SLC22A25: variants seen among roughly 807,000 people sequenced by gnomAD.
SLC22A25 encodes the protein solute carrier family 22 member 25.
SLC22A25 carries 44 observed loss-of-function variants against 45.9 expected under a neutral mutation model. The ratio of observed to expected loss-of-function variants is 0.96; its 90% CI spans 0.75 to 1.23. The LOEUF (loss-of-function observed/expected upper bound fraction) is 1.23. SLC22A25 is among the 50% of genes most tolerant of loss of function. The pLI is 0.00. For synonymous variants in SLC22A25, 283 were observed against 238.6 expected, an observed-to-expected ratio of 1.19 and a Z score of -1.72; for missense variants, 800 against 666.4, an observed-to-expected ratio of 1.20 and a Z score of -2.21.
intron 5 of SLC22A25, among the ~76,000 whole-genome samples, chr11:63,225,647 C>T (rs924438539): frequency 6.6e-6 from 1 of 152,064 alleles, no homozygotes; most frequent in Admixed American, 6.5e-5. Flanking sequence ...CTATGATTTT[C>T]TTGTACTTGA....
chr11:63,234,103 T>C (rs1300170654), intron 3 of SLC22A25, among the ~76,000 whole-genome samples: 2 of 152,318 alleles, frequency 1.3e-5, no homozygotes, highest in East Asian at 3.9e-4. Context: ...CTGAAAAGAA[T>C]GTATATTCTG....
Position 63,159,041 on chromosome 11 carries a change from A to G in SLC22A25, c.*4783T>C, listed in dbSNP as rs763597072. Among the ~76,000 whole-genome samples the G allele has an allele frequency of 1.8e-4, 28 of 151,938 alleles. No individual in the cohort carries two copies. The highest frequency in any genetic ancestry group is 1.4e-3 in the Admixed American group (22 of 15,250). On this transcript the variant is annotated 3_prime_UTR_variant, in exon 12 of 12. Transcript: ENST00000306494. ...CTGTGCCTGGCTTATTTCACTTAAC[A>G]TAATGATCTCCAGTTCCATCCATGT...
rs572954490 is a variant in SLC22A25, at chr11:63,159,912, G to A, written c.*3912C>T. 5.5e-4 allele frequency among the ~76,000 whole-genome samples: 84 copies of A among 152,274 alleles called. No individual in the cohort carries two copies. Among genetic ancestry groups the A allele is most frequent in the Non-Finnish European group, 1.0e-3 (68 of 68,016 alleles). On this transcript the variant is annotated 3_prime_UTR_variant, in exon 12 of 12. Coordinates refer to ENST00000306494, the MANE Select transcript of SLC22A25 (RefSeq NM_199352.6). ...ATATTTTAGTAAAGAGACTGGCAGC[G>A]TTTACTCCTGTCCTAGAGATTTGTG... is the stretch of plus-strand genomic sequence containing the variant.
intron 7 of SLC22A25, among the ~76,000 whole-genome samples, chr11:63,189,824 G>A (rs2088725737): frequency 1.3e-5 from 2 of 152,196 alleles, no homozygotes; most frequent in South Asian, 4.1e-4. Flanking sequence ...GGCTGGATAT[G>A]AAATTCTGGG....
At chr11:63,180,160 A>T (rs1848509622) in intron 9 of SLC22A25, among the ~76,000 whole-genome samples, 2 of 152,130 alleles carry the variant, frequency 1.3e-5, no homozygotes, top group Non-Finnish European at 2.9e-5. Context: ...ATTTTTGTCC[A>T]GTCATTATTT....
At chr11:63,221,021 A>G (rs1423231193) in intron 5 of SLC22A25, among the ~76,000 whole-genome samples, 3 of 152,032 alleles carry the variant, frequency 2.0e-5, no homozygotes, top group Non-Finnish European at 4.4e-5. Flanking sequence ...TTATCCATTC[A>G]TCTGTTGTGG....
At chr11:63,216,173 T>C (rs2089705533) in intron 7 of SLC22A25, among the ~76,000 whole-genome samples, 1 of 152,174 alleles carries the variant, frequency 6.6e-6, no homozygotes, top group Non-Finnish European at 1.5e-5. Context: ...CACAATGAGA[T>C]GCCATCTCAC....
intron 9 of SLC22A25, among the ~76,000 whole-genome samples, chr11:63,177,864 A>AAT (rs58895817): frequency 0.058 from 1,802 of 31,046 alleles, 276 homozygotes; most frequent in African/African-American, 0.18. Flanking sequence ...GTATATATAT[A>AAT]ATATATATAA....
At chr11:63,204,012 T>C (rs1315149350) in intron 7 of SLC22A25, among the ~76,000 whole-genome samples, 2 of 152,246 alleles carry the variant, frequency 1.3e-5, no homozygotes, top group Non-Finnish European at 1.5e-5. Context: ...ATCAACACTC[T>C]TAAAGAAAAG....
chr11:63,202,846 G>A (rs959562178), intron 7 of SLC22A25, among the ~76,000 whole-genome samples: 14 of 152,304 alleles, frequency 9.2e-5, no homozygotes, highest in Admixed American at 3.3e-4. Flanking sequence ...CCCTGACCCC[G>A]GTGCCTTCTG....
intron 7 of SLC22A25, among the ~76,000 whole-genome samples, chr11:63,200,591 C>T (rs1011680987): frequency 6.6e-6 from 1 of 152,046 alleles, no homozygotes; most frequent in African/African-American, 2.4e-5. Flanking sequence ...CACTTGAAAA[C>T]TGGCACAAGA....
At chr11:63,177,922 T>C (rs1042423164) in intron 9 of SLC22A25, among the ~76,000 whole-genome samples, 17 of 148,356 alleles carry the variant, frequency 1.1e-4, no homozygotes, top group Admixed American at 6.8e-4. Flanking sequence ...TTTTCTTTTT[T>C]TTTGACAGGG....
rs1590761703 is a variant in SLC22A25 at position 63,162,352 on chromosome 11, A to G, written c.*1472T>C. Among the ~76,000 whole-genome samples, 3 of 152,278 alleles carry G rather than the reference A, an allele frequency of 2.0e-5. No individual in the cohort carries two copies. The South Asian group carries it at 6.2e-4, about 32-fold the overall frequency. ...AAGAAATCTTTGGCCAGTCTAATGT[A>G]CTGGAAAATTTCTCCAATGTTTTCT... On this transcript the variant is annotated 3_prime_UTR_variant, in exon 12 of 12. Transcript: ENST00000306494.
At chr11:63,232,863 A>G (rs2090095421) in intron 3 of SLC22A25, among the ~76,000 whole-genome samples, 1 of 152,146 alleles carries the variant, frequency 6.6e-6, no homozygotes, top group South Asian at 2.1e-4. Context: ...CATTTTGTCA[A>G]AGGCCTTTTC....
intron 7 of SLC22A25, among the ~76,000 whole-genome samples, chr11:63,203,471 A>T (rs2089308090): frequency 6.6e-6 from 1 of 152,000 alleles, no homozygotes; most frequent in South Asian, 2.1e-4. Flanking sequence ...AAATGACCTG[A>T]TGGAGCTGCA....
chr11:63,230,747 C>T (rs1047367839), intron 3 of SLC22A25, among the ~76,000 whole-genome samples: 1 of 152,180 alleles, frequency 6.6e-6, no homozygotes, highest in Non-Finnish European at 1.5e-5. Flanking sequence ...GTGCGCTGCA[C>T]CCATTAACAA....
chr11:63,178,245 A>G (rs2088189301), intron 9 of SLC22A25, among the ~76,000 whole-genome samples: 1 of 151,990 alleles, frequency 6.6e-6, no homozygotes, highest in Non-Finnish European at 1.5e-5. Context: ...TTGATACCAT[A>G]TCTTGGCTTT....
chr11:63,169,901 C>G (rs561943291), intron 9 of SLC22A25, among the ~76,000 whole-genome samples: 2 of 152,158 alleles, frequency 1.3e-5, no homozygotes, highest in Non-Finnish European at 2.9e-5. Flanking sequence ...TAAAATTGAT[C>G]ACATAATTGG....
chr11:63,229,660 G>C lies in SLC22A25; in HGVS notation c.-8C>G, dbSNP rs2090033924. ...GAGGTCCTGAAAGGCCATTGAGGCT[G>C]GACAAGTGATCCCCAAGAGGAGACA... On this transcript the variant is annotated 5_prime_UTR_variant, in exon 4 of 12. Coordinates refer to ENST00000306494, the MANE Select transcript of SLC22A25 (RefSeq NM_199352.6). 1.3e-6 allele frequency: 2 copies of C among 1,595,324 alleles called. No homozygotes were observed. The highest frequency in any genetic ancestry group is 1.7e-5 in the Admixed American group (1 of 59,470).
Sources: gnomAD v4.1 joint callset for allele counts (sites outside exome capture counted in the v4.1 genomes callset) on GRCh38, gnomAD v4.1.1 for gene constraint, MANE v1.5 for transcripts, NCBI Gene and HGNC (gene_info 2026-07-23, HGNC 2026-07-21) for gene names.